Variants in NALF1 observed in about 807,000 individuals in gnomAD.
The protein encoded by NALF1 is NALCN channel auxiliary factor 1.
Under a neutral mutation model 48.4 loss-of-function variants are expected in NALF1, and 3 were observed. The observed-to-expected ratio is 0.06, with a 90% CI of 0.03 to 0.16. The LOEUF (loss-of-function observed/expected upper bound fraction) is 0.16, where lower values mean the gene tolerates loss of function less well. Among genes scored for constraint, NALF1 ranks in the 10% least tolerant of loss-of-function variants. The pLI is 1.00. For missense variants in NALF1, 526 were observed against 571.5 expected, an observed-to-expected ratio of 0.92 and a Z score of 0.81; for synonymous variants, 262 against 245.7, an observed-to-expected ratio of 1.07 and a Z score of -0.62.
chr13:107,386,022 C>A (rs923492983), intron 1 of NALF1, among the ~76,000 whole-genome samples: 1 of 152,122 alleles, frequency 6.6e-6, no homozygotes, highest in African/African-American at 2.4e-5. Context: ...ACCTTAAGGT[C>A]TATAAAAACC....
chr13:107,783,383 C>T (rs1207210370), intron 1 of NALF1, among the ~76,000 whole-genome samples: 3 of 151,494 alleles, frequency 2.0e-5, no homozygotes, highest in South Asian at 2.1e-4. Flanking sequence ...TCATTGAGAA[C>T]GGGCCATGAT....
At position 107,657,587 on chromosome 13, in the gene NALF1, G is replaced by A. The variant is rs536025829; in HGVS notation, c.915+208095C>T. ...CACATGTATTGAGTATGACTTTAACGCTGTGGGTAGGAAGTATTTACCAGT... is the reference window on the plus strand; with the variant it reads ...CACATGTATTGAGTATGACTTTAACACTGTGGGTAGGAAGTATTTACCAGT... On this transcript the variant is annotated intron_variant, in intron 1 of 2. Transcript: ENST00000375915. Among the ~76,000 whole-genome samples, 8 of 152,166 alleles carry A rather than the reference G, an allele frequency of 5.3e-5. No individual in the cohort carries two copies. In the South Asian group the frequency reaches 1.2e-3, roughly 24 times the overall value.
intron 1 of NALF1, among the ~76,000 whole-genome samples, chr13:107,582,560 G>A (rs1380492627): frequency 6.6e-6 from 1 of 152,178 alleles, no homozygotes; most frequent in Non-Finnish European, 1.5e-5. Context: ...TTTGGGGCAG[G>A]AGGCATGACT....
chr13:107,494,840 C>T (rs990824114), intron 1 of NALF1, among the ~76,000 whole-genome samples: 1 of 152,100 alleles, frequency 6.6e-6, no homozygotes, highest in East Asian at 1.9e-4. Context: ...TTAGGGGGAA[C>T]AAGTAAACAA....
intron 1 of NALF1, among the ~76,000 whole-genome samples, chr13:107,723,037 C>T (rs1876034204): frequency 6.6e-6 from 1 of 152,134 alleles, no homozygotes. Context: ...TCTTAAAAGC[C>T]ATCTCGTTAG....
At chr13:107,785,027 C>T (rs1230172720) in intron 1 of NALF1, among the ~76,000 whole-genome samples, 3 of 151,684 alleles carry the variant, frequency 2.0e-5, no homozygotes, top group Non-Finnish European at 2.9e-5. Context: ...CATCAATCAA[C>T]GAGTGGATAA....
chr13:107,818,849 GC>G (rs1175842898), intron 1 of NALF1, among the ~76,000 whole-genome samples: 8 of 105,636 alleles, frequency 7.6e-5, no homozygotes, highest in African/African-American at 3.4e-4. Context: ...TCCAGCCTGG[GC>G]GACAGAGCGA....
intron 1 of NALF1, among the ~76,000 whole-genome samples, chr13:107,838,545 G>T (rs1879965543): frequency 6.6e-6 from 1 of 152,140 alleles, no homozygotes; most frequent in Non-Finnish European, 1.5e-5. Context: ...TACGTAACAG[G>T]TAACTGGCAG....
chr13:107,219,895 G>A (rs1243342999), intron 1 of NALF1, among the ~76,000 whole-genome samples: 1 of 152,174 alleles, frequency 6.6e-6, no homozygotes, highest in Non-Finnish European at 1.5e-5. Context: ...ATAAACTATA[G>A]TTAGTTATCT....
chr13:107,389,659 T>C (rs1317902428), intron 1 of NALF1, among the ~76,000 whole-genome samples: 2 of 152,178 alleles, frequency 1.3e-5, no homozygotes, highest in African/African-American at 4.8e-5. Context: ...GATTACTTCA[T>C]GGTTTGCTGT....
chr13:107,224,969 G>A (rs200374244), intron 1 of NALF1, among the ~76,000 whole-genome samples: 1 of 151,680 alleles, frequency 6.6e-6, no homozygotes, highest in East Asian at 1.9e-4. Context: ...ACCTAAGTGG[G>A]AATATTCAGG....
chr13:107,461,631 AC>A (rs754168565), intron 1 of NALF1, among the ~76,000 whole-genome samples: 9 of 152,134 alleles, frequency 5.9e-5, no homozygotes, highest in African/African-American at 1.2e-4. Flanking sequence ...AGTTTTCAAA[AC>A]TTTTTTTTGA....
chr13:107,307,110 A>G (rs961305189), intron 1 of NALF1, among the ~76,000 whole-genome samples: 1 of 152,254 alleles, frequency 6.6e-6, no homozygotes, highest in African/African-American at 2.4e-5. Flanking sequence ...AGATGTGCCC[A>G]TTCTTCTAAT....
chr13:107,321,125 A>G (rs1882246824), intron 1 of NALF1, among the ~76,000 whole-genome samples: 2 of 152,118 alleles, frequency 1.3e-5, no homozygotes, highest in Admixed American at 1.3e-4. Context: ...AATCTAGAAG[A>G]CCTTTATCAA....
intron 1 of NALF1, among the ~76,000 whole-genome samples, chr13:107,493,300 T>C (rs1350734646): frequency 6.6e-6 from 1 of 152,030 alleles, no homozygotes; most frequent in Non-Finnish European, 1.5e-5. Context: ...AAAAAAATAA[T>C]GGAAAGTTAA....
At chr13:107,514,421 A>ATCTATCTATC (rs1555305738) in intron 1 of NALF1, among the ~76,000 whole-genome samples, 1 of 148,646 alleles carries the variant, frequency 6.7e-6, no homozygotes, top group Non-Finnish European at 1.5e-5. Flanking sequence ...AGCTTCTCCT[A>ATCTATCTATC]TATCTATCTA....
At chr13:107,761,124 A>G (rs1301836585) in intron 1 of NALF1, among the ~76,000 whole-genome samples, 2 of 152,150 alleles carry the variant, frequency 1.3e-5, no homozygotes, top group Non-Finnish European at 1.5e-5. Flanking sequence ...TTGGGAGGCC[A>G]AGGCGGGCAG....
intron 1 of NALF1, among the ~76,000 whole-genome samples, chr13:107,823,991 T>TATTA: frequency 6.6e-6 from 1 of 151,730 alleles, no homozygotes; most frequent in South Asian, 2.1e-4. Context: ...TTATTATTAT[T>TATTA]ATTATTATTA....
At chr13:107,498,592 CAG>C (rs1259698352) in intron 1 of NALF1, among the ~76,000 whole-genome samples, 2 of 151,950 alleles carry the variant, frequency 1.3e-5, no homozygotes, top group Non-Finnish European at 2.9e-5. Context: ...GGAAAGAAGA[CAG>C]GGGGAGAACA....
Sources: gnomAD v4.1 joint callset for allele counts (sites outside exome capture counted in the v4.1 genomes callset) on GRCh38, gnomAD v4.1.1 for gene constraint, MANE v1.5 for transcripts, NCBI Gene and HGNC (gene_info 2026-07-23, HGNC 2026-07-21) for gene names.